Variants in TMEM131L observed in about 807,000 individuals in gnomAD.
TMEM131L encodes the protein transmembrane 131 like, also known as transmembrane protein 131-like.
TMEM131L carries 54 observed loss-of-function variants against 192.2 expected under a neutral mutation model. The observed-to-expected ratio is 0.28, with a 90% CI of 0.23 to 0.35. The LOEUF is 0.35. Ranked by LOEUF, TMEM131L falls within the 10% of genes least tolerant of loss-of-function variation. TMEM131L has a pLI of 1.00. For synonymous variants in TMEM131L, 701 were observed against 704.9 expected (o/e 0.99, Z 0.09); for missense variants, 1,888 against 1,972.9 (o/e 0.96, Z 0.82).
At chr4:153,467,942 A>T (rs1369316375) in intron 2 of TMEM131L, among the ~76,000 whole-genome samples, 1 of 152,212 alleles carries the variant, frequency 6.6e-6, no homozygotes, top group Non-Finnish European at 1.5e-5. Context: ...ATTCCCATTG[A>T]CTGTGAAGTG....
At chr4:153,577,094 T>A (rs1730002124) in intron 7 of TMEM131L, among the ~76,000 whole-genome samples, 1 of 151,928 alleles carries the variant, frequency 6.6e-6, no homozygotes, top group Admixed American at 6.6e-5. Flanking sequence ...TAAATCAGAT[T>A]TAGCTAGGTG....
At chr4:153,578,820 A>T (rs973354850) in intron 7 of TMEM131L, among the ~76,000 whole-genome samples, 12 of 145,448 alleles carry the variant, frequency 8.3e-5, no homozygotes, top group African/African-American at 3.1e-4. Flanking sequence ...ATGCCTGGCC[A>T]TTTTTTTTTG....
At chr4:153,561,860 A>G (rs924730314) in intron 7 of TMEM131L, among the ~76,000 whole-genome samples, 2 of 151,776 alleles carry the variant, frequency 1.3e-5, no homozygotes, top group Non-Finnish European at 2.9e-5. Context: ...CAGTGTCCCT[A>G]CTCTTGTGGT....
At chr4:153,470,810 C>T (rs776248976) in intron 2 of TMEM131L, among the ~76,000 whole-genome samples, 36 of 152,310 alleles carry the variant, frequency 2.4e-4, no homozygotes, top group African/African-American at 6.5e-4. Context: ...TCCTGTGGTA[C>T]GCCCACTCCA....
At position 153,584,752 on chromosome 4, in the gene TMEM131L, A is replaced by G. The variant is rs1467272152; in HGVS notation, c.1061-83A>G. The G allele has an allele frequency of 3.5e-6, 3 of 864,508 alleles. No homozygotes were observed. The Admixed American group carries it at 7.7e-5, about 22-fold the overall frequency. 53.6% of individuals were successfully genotyped at this position (864,508 alleles called of 1,614,324 possible). A position where few individuals can be genotyped will look rare whatever the true frequency, so the allele number is the denominator to read the frequency against. Reference sequence around the variant, plus strand: ...GAGACAGAAAAGTGAATAAAAATTTATAAATAAGACATATATCTTTTGTTC... The same window carrying G: ...GAGACAGAAAAGTGAATAAAAATTTGTAAATAAGACATATATCTTTTGTTC... On this transcript the variant is annotated intron_variant, in intron 11 of 34. Coordinates refer to ENST00000409959, the MANE Select transcript of TMEM131L (RefSeq NM_001131007.2).
chr4:153,504,028 G>A (rs1580088279), intron 3 of TMEM131L, among the ~76,000 whole-genome samples: 1 of 152,180 alleles, frequency 6.6e-6, no homozygotes, highest in East Asian at 1.9e-4. Context: ...GTGCAGTGGT[G>A]CTATCTCGGC....
intron 7 of TMEM131L, chr4:153,558,658 T>A: frequency 5.7e-6 from 1 of 175,848 alleles, no homozygotes; most frequent in Non-Finnish European, 1.2e-5. Context: ...TTAATTTTCC[T>A]TCTGAATCCT....
intron 29 of TMEM131L, among the ~76,000 whole-genome samples, chr4:153,623,831 C>T (rs933809893): frequency 2.6e-5 from 4 of 151,652 alleles, no homozygotes; most frequent in African/African-American, 7.3e-5. Context: ...TTAAAGATGT[C>T]GGAGAGGTCA....
intron 31 of TMEM131L, among the ~76,000 whole-genome samples, chr4:153,627,944 G>C (rs1733965022): frequency 6.6e-6 from 1 of 152,168 alleles, no homozygotes; most frequent in South Asian, 2.1e-4. Flanking sequence ...CTATGTCCTG[G>C]AATAATCCCA....
chr4:153,561,391 A>G (rs1000038167), intron 7 of TMEM131L, among the ~76,000 whole-genome samples: 3 of 152,242 alleles, frequency 2.0e-5, no homozygotes, highest in South Asian at 2.1e-4. Flanking sequence ...GATGAAGTCA[A>G]GTTTTTCTGT....
chr4:153,486,151 C>G (rs527236935), intron 3 of TMEM131L, among the ~76,000 whole-genome samples: 2 of 151,968 alleles, frequency 1.3e-5, no homozygotes, highest in African/African-American at 4.8e-5. Context: ...TAGCAAATCC[C>G]TGAAAAAAAA....
chr4:153,627,802 A>C (rs1043737688), intron 31 of TMEM131L, 115 bp downstream of exon 31: 179 of 747,916 alleles, frequency 2.4e-4, no homozygotes, highest in East Asian at 4.7e-4. Context: ...CCATTTCCCC[A>C]CCAGCCCCTT....
intron 14 of TMEM131L, among the ~76,000 whole-genome samples, chr4:153,587,200 A>G (rs539034449): frequency 2.6e-5 from 4 of 152,206 alleles, no homozygotes; most frequent in Non-Finnish European, 4.4e-5. Flanking sequence ...CAAGAGATGC[A>G]TGTCAGCAGA....
chr4:153,480,686 A>G (rs533301223), intron 3 of TMEM131L, among the ~76,000 whole-genome samples: 256 of 152,262 alleles, frequency 1.7e-3, no homozygotes, highest in African/African-American at 5.9e-3. Context: ...TAAAAAAATT[A>G]AAAGAAAAAT....
chr4:153,595,301 A>G (rs530043558), intron 19 of TMEM131L, among the ~76,000 whole-genome samples: 8 of 152,320 alleles, frequency 5.3e-5, no homozygotes, highest in African/African-American at 1.9e-4. Flanking sequence ...TAAAAATGTC[A>G]GTGCCTGGCA....
chr4:153,475,440 A>T (rs1209001870), intron 3 of TMEM131L, among the ~76,000 whole-genome samples: 1 of 152,246 alleles, frequency 6.6e-6, no homozygotes, highest in East Asian at 1.9e-4. Context: ...AAAGGAAAGG[A>T]TTAAGTTGAT....
intron 3 of TMEM131L, among the ~76,000 whole-genome samples, chr4:153,475,658 A>G (rs1731479715): frequency 6.6e-6 from 1 of 151,606 alleles, no homozygotes; most frequent in Non-Finnish European, 1.5e-5. Context: ...TCGTGGATTC[A>G]ACAAACTGTG....
chr4:153,540,362 A>G (rs1561172936), intron 3 of TMEM131L, among the ~76,000 whole-genome samples: 1 of 152,174 alleles, frequency 6.6e-6, no homozygotes, highest in Non-Finnish European at 1.5e-5. Context: ...TTACCTGAAG[A>G]CAGCACGTTC....
Position 153,483,109 on chromosome 4 carries a change from T to C in TMEM131L, c.239+9221T>C, listed in dbSNP as rs140935549. Among the ~76,000 whole-genome samples the C allele has an allele frequency of 1.5e-4, 23 of 152,312 alleles. No individual in the cohort carries two copies. The East Asian group carries it at 4.2e-3, about 28-fold the overall frequency. Reference sequence around the variant, plus strand: ...GCAAAACACTTCGTTAATGTCAACTTTCCTGAAACAAAAAAAGTAGAATTA... The same window carrying C: ...GCAAAACACTTCGTTAATGTCAACTCTCCTGAAACAAAAAAAGTAGAATTA... On this transcript the variant is annotated intron_variant, in intron 3 of 34. Coordinates refer to ENST00000409959, the MANE Select transcript of TMEM131L (RefSeq NM_001131007.2).
Sources: allele counts gnomAD v4.1 joint callset (sites outside exome capture counted in the v4.1 genomes callset), GRCh38; gene constraint gnomAD v4.1.1; transcripts MANE v1.5; gene names NCBI Gene and HGNC (gene_info 2026-07-23, HGNC 2026-07-21).